Variants in PTPN12 observed in about 807,000 individuals in gnomAD.
PTPN12 encodes the protein protein tyrosine phosphatase non-receptor type 12, also known as tyrosine-protein phosphatase non-receptor type 12.
Under a neutral mutation model 97.6 loss-of-function variants are expected in PTPN12, and 29 were observed. The ratio of observed to expected loss-of-function variants is 0.30; its 90% CI spans 0.22 to 0.41. PTPN12 has a LOEUF of 0.41. Among genes scored for constraint, PTPN12 ranks in the 10% least tolerant of loss-of-function variants. The pLI, the probability that PTPN12 is intolerant of heterozygous loss-of-function variation, is 1.00. For synonymous variants in PTPN12, 327 were observed against 300.4 expected, an observed-to-expected ratio of 1.09 and a Z score of -0.91; for missense variants, 819 against 926.0, an observed-to-expected ratio of 0.88 and a Z score of 1.50.
At chr7:77,609,370 C>A (rs1295256658) in intron 9 of PTPN12, among the ~76,000 whole-genome samples, 1 of 145,852 alleles carries the variant, frequency 6.9e-6, no homozygotes, top group African/African-American at 2.6e-5. Context: ...CTCTCAGGTT[C>A]AAGCGATTCT....
At chr7:77,604,046 C>T (rs1788273456) in intron 8 of PTPN12, among the ~76,000 whole-genome samples, 1 of 149,128 alleles carries the variant, frequency 6.7e-6, no homozygotes, top group African/African-American at 2.5e-5. Flanking sequence ...CACCACTACA[C>T]CCAGCTAATT....
At chr7:77,633,239 C>T (rs527603950) in intron 14 of PTPN12, among the ~76,000 whole-genome samples, 2 of 151,334 alleles carry the variant, frequency 1.3e-5, no homozygotes, top group South Asian at 4.2e-4. Context: ...TATTGCACTC[C>T]AACCTGGGCA....
intron 12 of PTPN12, among the ~76,000 whole-genome samples, chr7:77,622,607 A>C (rs955437661): frequency 2.0e-5 from 3 of 152,036 alleles, no homozygotes; most frequent in Non-Finnish European, 4.4e-5. Context: ...GTCTCTACTA[A>C]AAATACAAAA....
intron 5 of PTPN12, among the ~76,000 whole-genome samples, chr7:77,586,377 C>G (rs1302600352): frequency 6.6e-6 from 1 of 152,124 alleles, no homozygotes; most frequent in African/African-American, 2.4e-5. Flanking sequence ...GCCGACTGAT[C>G]AAGTTGGTAT....
chr7:77,541,259 T>TC lies in PTPN12; in HGVS notation c.99+3614_99+3615insC, dbSNP rs539297673. ...GGCCCACCCCACCAAGCCCTGCTGATTTTTGTATTTTTTGTAGAGACAGGG... is the reference window on the plus strand; with the variant it reads ...GGCCCACCCCACCAAGCCCTGCTGATCTTTTGTATTTTTTGTAGAGACAGGG... On this transcript the variant is annotated intron_variant, in intron 1 of 17. Transcript: ENST00000248594. Among the ~76,000 whole-genome samples, 135 of 152,172 alleles carry TC rather than the reference T, an allele frequency of 8.9e-4. 2 individuals are homozygous for TC. The Middle Eastern group carries it at 0.061, about 69-fold the overall frequency.
At chr7:77,579,849 A>G (rs1787456978) in intron 2 of PTPN12, among the ~76,000 whole-genome samples, 1 of 152,234 alleles carries the variant, frequency 6.6e-6, no homozygotes, top group Admixed American at 6.5e-5. Flanking sequence ...ATTAAAACAT[A>G]CAATCCTTTG....
At chr7:77,597,815 G>A in intron 6 of PTPN12, 27 bp from the exon 7 acceptor site, 1 of 1,599,192 alleles carries the variant, frequency 6.3e-7, no homozygotes, top group Non-Finnish European at 8.5e-7. Context: ...CGTTTTCACT[G>A]ACTTAGAAAT....
intron 12 of PTPN12, among the ~76,000 whole-genome samples, chr7:77,626,215 A>G (rs1340955726): frequency 6.6e-6 from 1 of 152,220 alleles, no homozygotes; most frequent in Non-Finnish European, 1.5e-5. Flanking sequence ...GGAAAACAAG[A>G]CACTATAGAA....
intron 13 of PTPN12, 37 bp from the exon 14 acceptor site, chr7:77,632,311 A>G (rs1236176451): frequency 1.4e-6 from 2 of 1,386,226 alleles, no homozygotes; most frequent in South Asian, 1.2e-5. Context: ...TTTAGATGAC[A>G]TGTTAATTTG....
intron 11 of PTPN12, among the ~76,000 whole-genome samples, chr7:77,612,902 G>T (rs1021451660): frequency 6.6e-6 from 1 of 151,498 alleles, no homozygotes; most frequent in Non-Finnish European, 1.5e-5. Context: ...CTCCTGAATA[G>T]CTGGGATTAC....
intron 1 of PTPN12, among the ~76,000 whole-genome samples, chr7:77,541,386 G>A (rs903736432): frequency 1.3e-5 from 2 of 152,074 alleles, no homozygotes; most frequent in Non-Finnish European, 2.9e-5. Flanking sequence ...CACCGTAGCC[G>A]GCCTACTACT....
chr7:77,540,937 A>G (rs1360883049), intron 1 of PTPN12, among the ~76,000 whole-genome samples: 1 of 152,242 alleles, frequency 6.6e-6, no homozygotes, highest in Admixed American at 6.5e-5. Context: ...AAATTAATAG[A>G]ATAATAATAA....
At chr7:77,611,855 A>G (rs974090085) in intron 11 of PTPN12, among the ~76,000 whole-genome samples, 1 of 152,178 alleles carries the variant, frequency 6.6e-6, no homozygotes, top group Admixed American at 6.5e-5. Context: ...ATCTTACTGG[A>G]TATTCAACTT....
chr7:77,537,422 G>T lies in PTPN12; in HGVS notation c.-125G>T, dbSNP rs1806704560. ...CGGTGGGGAGGAGGAGGGAGCCGCG[G>T]GGCTTGGCGGGGTCGGGAGGGAGGG... On this transcript the variant is annotated 5_prime_UTR_variant, in exon 1 of 18. Transcript: ENST00000248594. 8.9e-6 allele frequency: 12 copies of T among 1,349,578 alleles called. No individual in the cohort carries two copies. Among genetic ancestry groups the T allele is most frequent in the Non-Finnish European group, 1.1e-5 (11 of 1,038,478 alleles). 83.6% of individuals were successfully genotyped at this position (1,349,578 alleles called of 1,614,324 possible).
At chr7:77,613,776 C>T (rs1225208185) in intron 11 of PTPN12, among the ~76,000 whole-genome samples, 1 of 151,962 alleles carries the variant, frequency 6.6e-6, no homozygotes, top group Admixed American at 6.6e-5. Flanking sequence ...TGAGGTTTTA[C>T]TGTGTTGCCC....
chr7:77,610,182 T>TC (rs947015746), intron 9 of PTPN12, among the ~76,000 whole-genome samples: 5 of 152,194 alleles, frequency 3.3e-5, no homozygotes, highest in Non-Finnish European at 7.3e-5. Context: ...CATAATTAGT[T>TC]CCCCAACTTG....
intron 9 of PTPN12, among the ~76,000 whole-genome samples, chr7:77,609,688 G>C (rs954293856): frequency 1.3e-5 from 2 of 151,902 alleles, no homozygotes; most frequent in Non-Finnish European, 2.9e-5. Context: ...AGACCACCCT[G>C]GCTAACACGG....
At chr7:77,601,377 A>AT (rs1413230314) in intron 8 of PTPN12, among the ~76,000 whole-genome samples, 2 of 151,900 alleles carry the variant, frequency 1.3e-5, no homozygotes, top group Admixed American at 6.6e-5. Context: ...ATTAAAAAAA[A>AT]TTTTTTTTAA....
chr7:77,623,877 C>A (rs1368363172), intron 12 of PTPN12, among the ~76,000 whole-genome samples: 2 of 152,102 alleles, frequency 1.3e-5, no homozygotes, highest in Non-Finnish European at 2.9e-5. Flanking sequence ...ACCTATTGGT[C>A]TTTGCATATG....
Sources: allele counts gnomAD v4.1 joint callset (sites outside exome capture counted in the v4.1 genomes callset), GRCh38; gene constraint gnomAD v4.1.1; transcripts MANE v1.5; gene names NCBI Gene and HGNC (gene_info 2026-07-23, HGNC 2026-07-21).